SLC1A2: variants seen among roughly 807,000 people sequenced by gnomAD.
SLC1A2 encodes excitatory amino acid transporter 2.
A neutral mutation model predicts 48.8 loss-of-function variants in SLC1A2; 15 were observed. That is an observed-to-expected ratio of 0.31 (90% CI 0.21 to 0.47). The LOEUF (loss-of-function observed/expected upper bound fraction) is 0.47, where lower values mean the gene tolerates loss of function less well. SLC1A2 is among the 20% of genes least tolerant of loss of function. The pLI, the probability that SLC1A2 is intolerant of heterozygous loss-of-function variation, is 0.99. For missense variants in SLC1A2, 502 were observed against 730.5 expected (o/e 0.69, Z 3.61); for synonymous variants, 279 against 272.6 (o/e 1.02, Z -0.23).
chr11:35,396,038 G>A (rs1305236986), intron 1 of SLC1A2, among the ~76,000 whole-genome samples: 4 of 146,012 alleles, frequency 2.7e-5, no homozygotes, highest in Non-Finnish European at 6.0e-5. Flanking sequence ...AGTATTCCAT[G>A]TTGTATATGT....
chr11:35,307,529 T>C (rs1851549735), intron 4 of SLC1A2, among the ~76,000 whole-genome samples: 1 of 152,150 alleles, frequency 6.6e-6, no homozygotes, highest in South Asian at 2.1e-4. Context: ...TCCAGGGGCA[T>C]TAAAATAGAA....
intron 1 of SLC1A2, among the ~76,000 whole-genome samples, chr11:35,321,130 C>T (rs1310133961): frequency 6.6e-6 from 1 of 152,122 alleles, no homozygotes; most frequent in East Asian, 1.9e-4. Flanking sequence ...GGGGGAAAAG[C>T]CCCTTATAAA....
At chr11:35,296,702 C>T (rs2134768650) in intron 6 of SLC1A2, among the ~76,000 whole-genome samples, 1 of 152,216 alleles carries the variant, frequency 6.6e-6, no homozygotes. Context: ...GCCACTTCTT[C>T]CTCTTGGAAT....
chr11:35,316,837 T>C (rs920325882), intron 2 of SLC1A2: 2 of 152,654 alleles, frequency 1.3e-5, no homozygotes, highest in Admixed American at 6.5e-5. Context: ...GAAGAGGACT[T>C]GCAAGATGGA....
At chr11:35,398,772 C>G (rs1016550153) in intron 1 of SLC1A2, among the ~76,000 whole-genome samples, 1 of 152,178 alleles carries the variant, frequency 6.6e-6, no homozygotes. Context: ...ACAAAGCCTA[C>G]AGCAACAGCA....
intron 1 of SLC1A2, among the ~76,000 whole-genome samples, chr11:35,343,953 G>A (rs1852936538): frequency 6.6e-6 from 1 of 152,034 alleles, no homozygotes; most frequent in Non-Finnish European, 1.5e-5. Flanking sequence ...TACAATGTCA[G>A]GTGATCATTT....
intron 7 of SLC1A2, chr11:35,291,639 A>T (rs916161653): frequency 2.0e-5 from 3 of 152,558 alleles, no homozygotes; most frequent in Non-Finnish European, 4.4e-5. Flanking sequence ...CCAAGATGAT[A>T]GTCCAAAAAA....
chr11:35,382,836 C>G (rs1854474588), intron 1 of SLC1A2, among the ~76,000 whole-genome samples: 1 of 151,936 alleles, frequency 6.6e-6, no homozygotes, highest in South Asian at 2.1e-4. Context: ...GGTGAATGAT[C>G]TAGATCATGC....
intron 8 of SLC1A2, among the ~76,000 whole-genome samples, chr11:35,282,186 C>A (rs1850659620): frequency 6.6e-6 from 1 of 152,022 alleles, no homozygotes; most frequent in Non-Finnish European, 1.5e-5. Context: ...GATCTACAGA[C>A]CCCCCAACCA....
chr11:35,350,209 C>T (rs1853196257), intron 1 of SLC1A2, among the ~76,000 whole-genome samples: 1 of 152,208 alleles, frequency 6.6e-6, no homozygotes, highest in Admixed American at 6.5e-5. Context: ...GAAGACATCT[C>T]CCAGACCCTA....
Position 35,343,338 on chromosome 11 carries a change from C to T in SLC1A2, c.18-25822G>A, listed in dbSNP as rs117362675. Among the ~76,000 whole-genome samples the T allele has an allele frequency of 9.3e-3, 1,421 of 152,324 alleles. 18 individuals carry two copies. The highest frequency in any genetic ancestry group is 0.015 in the Non-Finnish European group (1,023 of 68,038). On this transcript the variant is annotated intron_variant, in intron 1 of 10. Transcript: ENST00000278379. ...ACACTCATTAACATACCAAATCACACACCCACCAGCACCATGACAGTTCCG... is the reference window on the plus strand; with the variant it reads ...ACACTCATTAACATACCAAATCACATACCCACCAGCACCATGACAGTTCCG...
At chr11:35,283,515 T>C (rs1850707931) in intron 8 of SLC1A2, among the ~76,000 whole-genome samples, 1 of 152,154 alleles carries the variant, frequency 6.6e-6, no homozygotes, top group South Asian at 2.1e-4. Context: ...AAATGCTCAG[T>C]AGTATCAGTT....
chr11:35,417,266 A>G (rs1380740010), intron 1 of SLC1A2, among the ~76,000 whole-genome samples: 1 of 152,248 alleles, frequency 6.6e-6, no homozygotes, highest in African/African-American at 2.4e-5. Context: ...ACATCATTTG[A>G]CAGCTTTCAT....
intron 1 of SLC1A2, among the ~76,000 whole-genome samples, chr11:35,410,217 G>A (rs1306552986): frequency 2.0e-5 from 3 of 151,958 alleles, no homozygotes; most frequent in Admixed American, 2.0e-4. Context: ...CATACACTGT[G>A]GAATAAAATA....
chr11:35,289,961 A>G (rs1341957815), intron 7 of SLC1A2, among the ~76,000 whole-genome samples: 1 of 152,178 alleles, frequency 6.6e-6, no homozygotes, highest in African/African-American at 2.4e-5. Context: ...TTCATGAACA[A>G]TTCACAAGGC....
intron 6 of SLC1A2, chr11:35,298,274 T>C (rs1446087785): frequency 6.6e-6 from 1 of 152,204 alleles, no homozygotes; most frequent in Non-Finnish European, 1.5e-5. Flanking sequence ...TTAGTACCTG[T>C]ACTGTAACCG....
chr11:35,265,515 T>G lies in SLC1A2; in HGVS notation c.1653+12A>C, dbSNP rs541474400. Reference sequence around the variant, plus strand: ...ATATACAAGTCTCGATATCCATGAATGGGAAATGTACCTTGCATTCATCTA... The same window carrying G: ...ATATACAAGTCTCGATATCCATGAAGGGGAAATGTACCTTGCATTCATCTA... On this transcript the variant is annotated intron_variant, in intron 10 of 10. Coordinates refer to ENST00000278379, the MANE Select transcript of SLC1A2 (RefSeq NM_004171.4). 3 of 1,385,558 alleles carry G rather than the reference T, an allele frequency of 2.2e-6. No individual in the cohort carries two copies. In the South Asian group the frequency reaches 3.5e-5, roughly 16 times the overall value. 85.8% of individuals were successfully genotyped at this position (1,385,558 alleles called of 1,614,324 possible).
chr11:35,305,001 G>GAC (rs1851460591), intron 5 of SLC1A2, among the ~76,000 whole-genome samples: 1 of 152,190 alleles, frequency 6.6e-6, no homozygotes, highest in South Asian at 2.1e-4. Context: ...TCATCTCTAA[G>GAC]TAGCTGTCAT....
At chr11:35,266,879 T>A (rs910213225) in intron 9 of SLC1A2, among the ~76,000 whole-genome samples, 1 of 152,184 alleles carries the variant, frequency 6.6e-6, no homozygotes, top group Non-Finnish European at 1.5e-5. Context: ...TCAAATCTAT[T>A]TCTTATTAGA....
Sources: allele counts gnomAD v4.1 joint callset (sites outside exome capture counted in the v4.1 genomes callset), GRCh38; gene constraint gnomAD v4.1.1; transcripts MANE v1.5; gene names NCBI Gene and HGNC (gene_info 2026-07-23, HGNC 2026-07-21).